The following BRWD1 variants were observed in gnomAD, a reference collection of about 807,000 sequenced individuals.
BRWD1 encodes the protein bromodomain and WD repeat domain containing 1.
A neutral mutation model predicts 251.2 loss-of-function variants in BRWD1; 82 were observed. That is an observed-to-expected ratio of 0.33 (90% CI 0.27 to 0.39). The LOEUF (loss-of-function observed/expected upper bound fraction) is 0.39, where lower values mean the gene tolerates loss of function less well. Among genes scored for constraint, BRWD1 ranks in the 10% least tolerant of loss-of-function variants. The probability of loss-of-function intolerance (pLI) is 1.00; values close to 1 mark genes in which losing one functional copy is unlikely to be tolerated. For missense variants in BRWD1, 2,233 were observed against 2,711.6 expected (o/e 0.82, Z 3.92); for synonymous variants, 918 against 902.8 (o/e 1.02, Z -0.30).
In BRWD1 at chr21:39,237,838, A is replaced by C. The variant is rs531453300; in HGVS notation, c.2576+641T>G. 2.6e-5 allele frequency among the ~76,000 whole-genome samples: 4 copies of C among 152,324 alleles called. No individual in the cohort carries two copies. In the East Asian group the frequency reaches 7.7e-4, roughly 29 times the overall value. On this transcript the variant is annotated intron_variant, in intron 22 of 40. Transcript: ENST00000342449. The stretch of plus-strand genomic sequence containing the variant: ...TTACCACAATTAAATTTGTTTAAAA[A>C]AAGATAATACATTATGTTCTTAAAA...
In BRWD1 at chr21:39,212,237, T is replaced by C. The variant is rs1028808031; in HGVS notation, c.3900+429A>G. On this transcript the variant is annotated intron_variant, in intron 34 of 40. Coordinates refer to ENST00000342449, the MANE Select transcript of BRWD1 (RefSeq NM_033656.4). ...TTCTTATCCTTCAAATTGTATTATC[T>C]ATTTTGGCTGTTCAATTGATTCTCT... Among the ~76,000 whole-genome samples, 32 of 152,178 alleles carry C rather than the reference T, an allele frequency of 2.1e-4. 1 individual carries two copies. The highest frequency in any genetic ancestry group is 1.1e-3 in the Admixed American group (17 of 15,272).
Position 39,191,201 on chromosome 21 carries a change from C to A in BRWD1, c.*5058G>T. 2.0e-6 allele frequency: 2 copies of A among 985,350 alleles called. No homozygotes were observed. Among genetic ancestry groups the A allele is most frequent in the Non-Finnish European group, 2.4e-6 (2 of 829,892 alleles). The allele number at this position is 985,350 out of a possible 1,614,324, so 61.0% of individuals were successfully genotyped here. ...GGAAAGAAACCAGGCCACAGACAAT[C>A]CAATGGCAAACCCCTTTTCCAGCAG... On this transcript the variant is annotated 3_prime_UTR_variant, in exon 41 of 41. Coordinates refer to ENST00000342449, the MANE Select transcript of BRWD1 (RefSeq NM_033656.4).
chr21:39,281,903 TATACATGTATATATATACGTATAC>T (rs1278296780), intron 8 of BRWD1, among the ~76,000 whole-genome samples: 1 of 122,606 alleles, frequency 8.2e-6, no homozygotes, highest in Non-Finnish European at 1.8e-5. Context: ...TGTATGTATG[TATACATGTATATATATACGTATAC>T]ATACATATAC....
chr21:39,247,973 TAC>T, intron 20 of BRWD1, 141 bp from the exon 21 acceptor site: 1 of 1,035,026 alleles, frequency 9.7e-7, no homozygotes, highest in South Asian at 2.3e-5. Flanking sequence ...ATTTTTGCCA[TAC>T]AGTTTTAACT....
intron 10 of BRWD1, chr21:39,278,505 A>C (rs55881894): frequency 4.1e-5 from 19 of 467,970 alleles, no homozygotes; most frequent in Non-Finnish European, 6.8e-5. Flanking sequence ...TGGACACCTC[A>C]AGCCTCCCTT....
rs764514560 is a variant in BRWD1, at chr21:39,274,486, G to C, written c.1146-14C>G. The C allele has an allele frequency of 7.5e-6, 12 of 1,591,916 alleles. No individual in the cohort carries two copies. The highest frequency in any genetic ancestry group is 2.2e-5 in the East Asian group (1 of 44,760). On this transcript the variant is annotated splice_polypyrimidine_tract_variant and intron_variant, in intron 12 of 40. Coordinates refer to ENST00000342449, the MANE Select transcript of BRWD1 (RefSeq NM_033656.4). ...CCACTTAGGAACCTTAAAACATTCA[G>C]AACAGGATCTTACTATATTCACACA...
rs763430524 is a variant in BRWD1 at position 39,277,254 on chromosome 21, G to A, written c.1101C>T (p.His367=). The part of the protein sequence containing the change: ...APEKIAELES[H]TDKVDSIQFC... ...ATTTTAAAACGTGGATGCTTACAGTGTGGCTTTCAAGTTCTGCGATTTTTT... is the reference window on the plus strand; with the variant it reads ...ATTTTAAAACGTGGATGCTTACAGTATGGCTTTCAAGTTCTGCGATTTTTT... Residue 367 remains histidine (H), a synonymous_variant, in exon 11 of 41, where the codon CAC becomes CAT. Transcript: ENST00000342449. 3.7e-6 allele frequency: 6 copies of A among 1,602,290 alleles called. No individual in the cohort carries two copies. The African/African-American group carries it at 5.4e-5, about 14-fold the overall frequency.
At chr21:39,210,607 G>T (rs1279441130) in intron 35 of BRWD1, among the ~76,000 whole-genome samples, 179 bp downstream of exon 35, 1 of 152,088 alleles carries the variant, frequency 6.6e-6, no homozygotes, top group Non-Finnish European at 1.5e-5. Context: ...GCTCACAAGG[G>T]TGTCTATAAA....
chr21:39,199,396 A>T lies in BRWD1; in HGVS notation c.5020T>A (p.Leu1674Ile). 6.2e-7 allele frequency: 1 copy of T among 1,614,220 alleles called. No homozygotes were observed. The highest frequency in any genetic ancestry group is 1.3e-5 in the African/African-American group (1 of 75,066). ...RNASAVARKK[L>I]LHNSEDEQSL... ...TGTTCATCTTCAGAATTATGTAATA[A>T]CTTTTTTCTAGCTACAGCAGAAGCA... The change falls in exon 40 of 41, where the codon TTA becomes ATA. Residue 1674 changes from leucine (L) to isoleucine (I), a missense_variant. Physicochemically the swap from Leu to Ile is conservative, Grantham distance 5. Coordinates refer to ENST00000342449, the MANE Select transcript of BRWD1 (RefSeq NM_033656.4).
Position 39,313,606 on chromosome 21 carries a change from G to GCCA in BRWD1, c.-116_-115insTGG. The GCCA allele has an allele frequency of 1.2e-6, 1 of 848,940 alleles. No homozygotes were observed. The highest frequency in any genetic ancestry group is 1.6e-6 in the Non-Finnish European group (1 of 640,606). 52.6% of individuals were successfully genotyped at this position (848,940 alleles called of 1,614,324 possible). ...TCAGGCGCGCGCCGCCGCCGCCGCC[G>GCCA]CCGCCGCCATACCGTGCGCGCCGCC... On this transcript the variant is annotated 5_prime_UTR_variant, in exon 1 of 41. Transcript: ENST00000342449.
Position 39,198,833 on chromosome 21 carries a change from T to C in BRWD1, c.5583A>G (p.Ser1861=). The part of the protein sequence containing the change: ...CDPIAMSQCS[S]DHGCETDLDS... The stretch of plus-strand genomic sequence containing the variant: ...CTAAATCAGTTTCACATCCATGATC[T>C]GAGGAACACTGGGACATAGCAATAG... Residue 1861 remains serine, a synonymous_variant, in exon 40 of 41, where the codon TCA becomes TCG. Transcript: ENST00000342449. The C allele has an allele frequency of 6.2e-7, 1 of 1,613,304 alleles. No homozygotes were observed. The highest frequency in any genetic ancestry group is 8.5e-7 in the Non-Finnish European group (1 of 1,179,758).
In BRWD1 at chr21:39,196,587, C is replaced by T; in HGVS notation, c.6482G>A (p.Gly2161Glu). Residue 2161 changes from glycine to glutamate, a missense_variant, in exon 41 of 41, where the codon GGA becomes GAA. By Grantham distance (98) the Gly-to-Glu change is moderately conservative (BLOSUM62 -2). Transcript: ENST00000342449. ...GTCAATATCTGATTCAGTTACAGATCCCAAATCTGATGATTTGGAACTAGT... is the reference window on the plus strand; with the variant it reads ...GTCAATATCTGATTCAGTTACAGATTCCAAATCTGATGATTTGGAACTAGT... ...PDTSSKSSDL[G>E]SVTESDIDCT... The T allele has an allele frequency of 6.2e-7, 1 of 1,613,222 alleles. No individual in the cohort carries two copies. The highest frequency in any genetic ancestry group is 1.6e-4 in the Middle Eastern group (1 of 6,062).
At chr21:39,315,574 C>A (rs543059909), upstream of BRWD1, 632 of 151,922 alleles carry the variant, frequency 4.2e-3, 1 homozygote, top group Non-Finnish European at 7.8e-3. Flanking sequence ...GCGGAGGCTG[C>A]AGTGAACCGA....
intron 23 of BRWD1, among the ~76,000 whole-genome samples, chr21:39,234,267 C>T (rs984283250): frequency 2.6e-5 from 4 of 152,110 alleles, no homozygotes; most frequent in Admixed American, 2.6e-4. Flanking sequence ...AATACAGACG[C>T]TGAATGAACA....
In BRWD1 at chr21:39,213,521, G is replaced by C. The variant is rs771218490; in HGVS notation, c.3818C>G (p.Ser1273Cys). ...TTGCTCATCATTTTCAGATGTGTTA[G>C]AAAGTTCTGAGATATTTGTACAGTG... is the stretch of plus-strand genomic sequence containing the variant. ...NQHCTNISEL[S>C]NTSENDEQNA... Residue 1273 changes from serine (S) to cysteine (C), a missense_variant, in exon 33 of 41, where the codon TCT becomes TGT. Transcript: ENST00000342449. The C allele has an allele frequency of 6.2e-7, 1 of 1,612,168 alleles. No individual in the cohort carries two copies. The highest frequency in any genetic ancestry group is 1.7e-5 in the Admixed American group (1 of 59,782).
chr21:39,313,310 A>T lies in BRWD1; in HGVS notation c.50-11T>A. 1.9e-6 allele frequency: 3 copies of T among 1,544,780 alleles called. No individual in the cohort carries two copies. Among genetic ancestry groups the T allele is most frequent in the Non-Finnish European group, 2.6e-6 (3 of 1,136,784 alleles). On this transcript the variant is annotated splice_polypyrimidine_tract_variant and intron_variant, in intron 1 of 40. Transcript: ENST00000342449. The stretch of plus-strand genomic sequence containing the variant: ...TAAGGAAGTACAGCTCTGCGGGAAG[A>T]CAAGGAGTCAGGTCAAGCCCCGGCG...
chr21:39,303,836 A>G (rs948141419), intron 4 of BRWD1, among the ~76,000 whole-genome samples: 4 of 151,612 alleles, frequency 2.6e-5, no homozygotes, highest in Non-Finnish European at 4.4e-5. Flanking sequence ...AAAAAAAAGA[A>G]AAAGAAAAGA....
upstream of BRWD1, chr21:39,316,930 C>A (rs986749099): frequency 1.3e-5 from 2 of 152,270 alleles, no homozygotes; most frequent in East Asian, 1.9e-4. Flanking sequence ...CAGAGCAAGA[C>A]CCTGTCTCAA....
Position 39,194,666 on chromosome 21 carries a change from ACTTCAGAACAT to A in BRWD1, c.*1582_*1592del, listed in dbSNP as rs932718986. 3 of 1,533,780 alleles carry A rather than the reference ACTTCAGAACAT, an allele frequency of 2.0e-6. No individual in the cohort carries two copies. Among genetic ancestry groups the A allele is most frequent in the Middle Eastern group, 1.7e-4 (1 of 6,000 alleles). ...GAATAGATAACTACAAAATAGGAAC[ACTTCAGAACAT>A]TCTCTAACATTAATACCAGTCTGAT... On this transcript the variant is annotated 3_prime_UTR_variant, in exon 41 of 41. Coordinates refer to ENST00000342449, the MANE Select transcript of BRWD1 (RefSeq NM_033656.4).
Sources: gnomAD v4.1 joint callset for allele counts (sites outside exome capture counted in the v4.1 genomes callset) on GRCh38, gnomAD v4.1.1 for gene constraint, MANE v1.5 for transcripts, NCBI Gene and HGNC (gene_info 2026-07-23, HGNC 2026-07-21) for gene names.